EVI5: variants seen among roughly 807,000 people sequenced by gnomAD.
EVI5 encodes ecotropic viral integration site 5, also known as ecotropic viral integration site 5 protein homolog.
Under a neutral mutation model 112.0 loss-of-function variants are expected in EVI5, and 73 were observed. The observed-to-expected ratio is 0.65, with a 90% CI of 0.54 to 0.79. The LOEUF is 0.79. Among genes scored for constraint, EVI5 ranks in the 30% least tolerant of loss-of-function variants. The pLI is 0.00. For synonymous variants in EVI5, 305 were observed against 319.9 expected (o/e 0.95, Z 0.50); for missense variants, 900 against 968.8 (o/e 0.93, Z 0.94).
chr1:92,738,250 G>A (rs935199784), intron 1 of EVI5, among the ~76,000 whole-genome samples: 1 of 152,056 alleles, frequency 6.6e-6, no homozygotes. Context: ...TTATCCTATC[G>A]ATCTTAGGAT....
chr1:92,545,079 C>A (rs1665456024), intron 19 of EVI5, among the ~76,000 whole-genome samples: 1 of 152,114 alleles, frequency 6.6e-6, no homozygotes, highest in Admixed American at 6.6e-5. Flanking sequence ...ACTACAGACT[C>A]CCAACCACAA....
chr1:92,538,198 T>G (rs1664208306), intron 19 of EVI5, among the ~76,000 whole-genome samples: 1 of 152,188 alleles, frequency 6.6e-6, no homozygotes, highest in South Asian at 2.1e-4. Context: ...CACATCTTGA[T>G]AAAATTGAAA....
intron 1 of EVI5, chr1:92,784,578 A>C: frequency 2.9e-6 from 1 of 348,406 alleles, no homozygotes; most frequent in Non-Finnish European, 4.0e-6. Context: ...CTGGGACGCC[A>C]CAGTTAGACC....
At chr1:92,744,398 T>C (rs1678924411) in intron 1 of EVI5, among the ~76,000 whole-genome samples, 1 of 152,188 alleles carries the variant, frequency 6.6e-6, no homozygotes, top group African/African-American at 2.4e-5. Flanking sequence ...CTGAGAGGTG[T>C]TGAGGCATCC....
At chr1:92,654,463 T>C (rs1474169248) in intron 13 of EVI5, among the ~76,000 whole-genome samples, 5 of 152,164 alleles carry the variant, frequency 3.3e-5, no homozygotes, top group Non-Finnish European at 7.3e-5. Context: ...AAAGAACTCA[T>C]ACATTCTGCC....
At chr1:92,584,603 C>T (rs748506704) in intron 18 of EVI5, among the ~76,000 whole-genome samples, 2 of 152,126 alleles carry the variant, frequency 1.3e-5, no homozygotes, top group African/African-American at 2.4e-5. Flanking sequence ...ATGTGGTAAG[C>T]GGTAGCCTCT....
intron 10 of EVI5, among the ~76,000 whole-genome samples, chr1:92,672,807 A>C (rs1666086918): frequency 6.6e-6 from 1 of 152,132 alleles, no homozygotes; most frequent in African/African-American, 2.4e-5. Flanking sequence ...TTTAATGAAA[A>C]GTTTGATATG....
intron 18 of EVI5, among the ~76,000 whole-genome samples, chr1:92,597,040 T>C (rs1025758573): frequency 1.3e-5 from 2 of 152,168 alleles, no homozygotes; most frequent in East Asian, 1.9e-4. Flanking sequence ...ATCCTCAGTT[T>C]TGAATGAGTG....
At chr1:92,521,200 A>G (rs1310655535) in intron 19 of EVI5, among the ~76,000 whole-genome samples, 3 of 152,006 alleles carry the variant, frequency 2.0e-5, no homozygotes, top group Admixed American at 6.6e-5. Flanking sequence ...GGGCTCATGC[A>G]GTCCACCCAC....
At chr1:92,739,694 T>C (rs1678053615) in intron 1 of EVI5, among the ~76,000 whole-genome samples, 1 of 152,176 alleles carries the variant, frequency 6.6e-6, no homozygotes, top group Non-Finnish European at 1.5e-5. Flanking sequence ...TATATCACTT[T>C]ATATTTTATT....
chr1:92,661,834 A>G (rs1664068118), intron 13 of EVI5, among the ~76,000 whole-genome samples: 1 of 152,116 alleles, frequency 6.6e-6, no homozygotes, highest in South Asian at 2.1e-4. Flanking sequence ...CAGTCACTCT[A>G]TTTGCCTTCC....
intron 18 of EVI5, among the ~76,000 whole-genome samples, chr1:92,599,981 G>C (rs1386461212): frequency 6.6e-6 from 1 of 152,144 alleles, no homozygotes; most frequent in Non-Finnish European, 1.5e-5. Context: ...ATCTGTAGAA[G>C]AGCTGAAGCT....
rs201873069 is a variant in EVI5 at position 92,697,997 on chromosome 1, G to GA, written c.640-13dup. The GA allele has an allele frequency of 2.7e-3, 4,124 of 1,532,470 alleles. 19 individuals carry two copies. The highest frequency in any genetic ancestry group is 0.017 in the South Asian group (1,422 of 83,082). 94.9% of individuals were successfully genotyped at this position (1,532,470 alleles called of 1,614,324 possible). On this transcript the variant is annotated splice_polypyrimidine_tract_variant and intron_variant, in intron 5 of 19. Coordinates refer to ENST00000684568, the MANE Select transcript of EVI5 (RefSeq NM_001350197.2). Reference sequence around the variant, plus strand: ...TCTTCTTCTGGCATCTACATTGGAAGAAAAAAAAACAACATAGGTTAATGT... The same window carrying GA: ...TCTTCTTCTGGCATCTACATTGGAAGAAAAAAAAAACAACATAGGTTAATGT...
At chr1:92,635,549 G>A (rs1477823061) in intron 14 of EVI5, among the ~76,000 whole-genome samples, 1 of 152,176 alleles carries the variant, frequency 6.6e-6, no homozygotes, top group Non-Finnish European at 1.5e-5. Flanking sequence ...TAGGGTGCGA[G>A]TGACCCGATT....
At chr1:92,729,989 C>A (rs1676184972) in intron 2 of EVI5, among the ~76,000 whole-genome samples, 1 of 152,030 alleles carries the variant, frequency 6.6e-6, no homozygotes, top group South Asian at 2.1e-4. Context: ...AGAAGAAAAC[C>A]ATTAATGATC....
At position 92,607,707 on chromosome 1, in the gene EVI5, A is replaced by G. The variant is rs201777198; in HGVS notation, c.1848T>C (p.His616=). 9 of 1,602,090 alleles carry G rather than the reference A, an allele frequency of 5.6e-6. 1 individual carries two copies. In the South Asian group the frequency reaches 1.0e-4, roughly 18 times the overall value. Reference sequence around the variant, plus strand: ...TCACCTCTTGTTCTGCTCTTCGAAGATGGTTACTATTGATCTGGTTCTAAT... The same window carrying G: ...TCACCTCTTGTTCTGCTCTTCGAAGGTGGTTACTATTGATCTGGTTCTAAT... The part of the protein sequence containing the change: ...METQNQINSN[H]LRRAEQEVIS... Residue 616 remains histidine, a synonymous_variant, in exon 17 of 20, where the codon CAT becomes CAC. Transcript: ENST00000684568.
At chr1:92,627,553 T>G (rs1655953266) in intron 14 of EVI5, among the ~76,000 whole-genome samples, 1 of 152,358 alleles carries the variant, frequency 6.6e-6, no homozygotes, top group East Asian at 1.9e-4. Flanking sequence ...GTAGTGGGAT[T>G]GCTGGATCAA....
upstream of EVI5, among the ~76,000 whole-genome samples, chr1:92,788,877 C>A (rs1685874258): frequency 1.3e-5 from 2 of 152,134 alleles, no homozygotes; most frequent in African/African-American, 4.8e-5. Context: ...GTTGAGCACT[C>A]AACATGTATG....
At chr1:92,733,913 A>G (rs1676902993) in intron 2 of EVI5, among the ~76,000 whole-genome samples, 2 of 152,182 alleles carry the variant, frequency 1.3e-5, no homozygotes, top group South Asian at 4.1e-4. Context: ...TCCAGGATCA[A>G]AAGTGAAGCA....
Sources: gnomAD v4.1 joint callset for allele counts (sites outside exome capture counted in the v4.1 genomes callset) on GRCh38, gnomAD v4.1.1 for gene constraint, MANE v1.5 for transcripts, NCBI Gene and HGNC (gene_info 2026-07-23, HGNC 2026-07-21) for gene names.